KHDRBS3: variants seen among roughly 807,000 people sequenced by gnomAD.
KHDRBS3 encodes the protein KH domain-containing, RNA-binding, signal transduction-associated protein 3.
Under a neutral mutation model 45.6 loss-of-function variants are expected in KHDRBS3, and 23 were observed. The observed-to-expected ratio is 0.50, with a 90% CI of 0.36 to 0.72. The LOEUF is 0.72. Ranked by LOEUF, KHDRBS3 falls within the 30% of genes least tolerant of loss-of-function variation. The pLI is 0.00. For synonymous variants in KHDRBS3, 162 were observed against 156.5 expected, an observed-to-expected ratio of 1.04 and a Z score of -0.26; for missense variants, 352 against 424.8, an observed-to-expected ratio of 0.83 and a Z score of 1.51.
At chr8:135,566,691 CA>C (rs569527746) in intron 5 of KHDRBS3, among the ~76,000 whole-genome samples, 30 of 146,390 alleles carry the variant, frequency 2.0e-4, no homozygotes, top group Non-Finnish European at 3.3e-4. Flanking sequence ...TTTATCTTTA[CA>C]AAAAAAAAAG....
intron 7 of KHDRBS3, among the ~76,000 whole-genome samples, chr8:135,644,319 C>T (rs768034097): frequency 3.5e-4 from 53 of 152,258 alleles, no homozygotes; most frequent in African/African-American, 1.2e-3. Context: ...TACATTGGAA[C>T]GTGGATTTGC....
intron 6 of KHDRBS3, among the ~76,000 whole-genome samples, chr8:135,595,582 T>C (rs928716572): frequency 6.6e-6 from 1 of 152,204 alleles, no homozygotes; most frequent in Non-Finnish European, 1.5e-5. Context: ...AAAACTCTGA[T>C]AGCTTGTTCT....
chr8:135,622,095 C>T (rs574476980), intron 7 of KHDRBS3, among the ~76,000 whole-genome samples: 23 of 152,184 alleles, frequency 1.5e-4, no homozygotes, highest in East Asian at 3.9e-4. Flanking sequence ...CTCATAATAC[C>T]CAGCAGTTTT....
chr8:135,569,267 C>T (rs890291603), intron 5 of KHDRBS3, among the ~76,000 whole-genome samples: 10 of 152,226 alleles, frequency 6.6e-5, no homozygotes, highest in East Asian at 3.9e-4. Context: ...GTAATTCTGA[C>T]GTGCACTGAA....
At chr8:135,467,864 A>G (rs771552587) in intron 1 of KHDRBS3, among the ~76,000 whole-genome samples, 6 of 152,226 alleles carry the variant, frequency 3.9e-5, no homozygotes, top group Non-Finnish European at 2.9e-5. Context: ...CCTGCTCCTC[A>G]TTAAACTCTC....
chr8:135,507,899 A>G (rs769145119), intron 1 of KHDRBS3, among the ~76,000 whole-genome samples: 6 of 152,154 alleles, frequency 3.9e-5, no homozygotes, highest in African/African-American at 7.2e-5. Flanking sequence ...AAGTGACAGG[A>G]TGTATATTTC....
At chr8:135,624,124 G>A (rs540278337) in intron 7 of KHDRBS3, among the ~76,000 whole-genome samples, 9 of 152,294 alleles carry the variant, frequency 5.9e-5, no homozygotes, top group Admixed American at 2.0e-4. Flanking sequence ...AGCAGATACC[G>A]AAAATACCCC....
intron 1 of KHDRBS3, among the ~76,000 whole-genome samples, chr8:135,509,071 A>G (rs766054176): frequency 6.6e-6 from 1 of 152,206 alleles, no homozygotes; most frequent in Non-Finnish European, 1.5e-5. Flanking sequence ...GCATAATAGC[A>G]TGATATAATT....
At chr8:135,558,470 C>A (rs1374157039) in intron 5 of KHDRBS3, among the ~76,000 whole-genome samples, 1 of 152,062 alleles carries the variant, frequency 6.6e-6, no homozygotes, top group African/African-American at 2.4e-5. Context: ...TTGTATATCT[C>A]TAAGTTTATT....
intron 1 of KHDRBS3, among the ~76,000 whole-genome samples, chr8:135,494,764 C>G (rs892061383): frequency 6.6e-6 from 1 of 152,170 alleles, no homozygotes; most frequent in Non-Finnish European, 1.5e-5. Context: ...ATAGTGGGTT[C>G]AAGAGAATGT....
intron 5 of KHDRBS3, among the ~76,000 whole-genome samples, chr8:135,569,231 G>T (rs1210310436): frequency 6.6e-6 from 1 of 152,074 alleles, no homozygotes; most frequent in South Asian, 2.1e-4. Flanking sequence ...ATATAATGCA[G>T]TACTTAAGAA....
At chr8:135,496,183 G>C (rs1300615568) in intron 1 of KHDRBS3, among the ~76,000 whole-genome samples, 1 of 95,272 alleles carries the variant, frequency 1.0e-5, no homozygotes, top group African/African-American at 3.1e-5. Flanking sequence ...AGAGGGAAAG[G>C]TCATGCAAAA....
At chr8:135,464,083 T>C (rs151246301) in intron 1 of KHDRBS3, among the ~76,000 whole-genome samples, 2 of 152,304 alleles carry the variant, frequency 1.3e-5, no homozygotes, top group East Asian at 1.9e-4. Flanking sequence ...AGCTTATAAG[T>C]AGTCAGGCTG....
intron 1 of KHDRBS3, among the ~76,000 whole-genome samples, chr8:135,479,340 G>T (rs1313283018): frequency 6.6e-6 from 1 of 152,152 alleles, no homozygotes; most frequent in African/African-American, 2.4e-5. Context: ...TGAGATCCAG[G>T]TGGCGTCACT....
intron 1 of KHDRBS3, among the ~76,000 whole-genome samples, chr8:135,500,533 T>C (rs1035112367): frequency 6.6e-6 from 1 of 152,136 alleles, no homozygotes; most frequent in East Asian, 1.9e-4. Context: ...GGAAGGCAGT[T>C]AGCTCTTAAC....
intron 2 of KHDRBS3, among the ~76,000 whole-genome samples, chr8:135,527,107 C>G (rs543169727): frequency 1.3e-5 from 2 of 152,244 alleles, no homozygotes; most frequent in South Asian, 4.1e-4. Context: ...GTTCATCCGT[C>G]AGTGGATCCG....
chr8:135,632,704 C>T (rs193277359), intron 7 of KHDRBS3, among the ~76,000 whole-genome samples: 17 of 152,084 alleles, frequency 1.1e-4, no homozygotes, highest in Non-Finnish European at 2.4e-4. Flanking sequence ...TTCACTCAAC[C>T]GGGATTTTAA....
At chr8:135,601,969 G>A (rs1829235511) in intron 6 of KHDRBS3, among the ~76,000 whole-genome samples, 1 of 152,150 alleles carries the variant, frequency 6.6e-6, no homozygotes, top group African/African-American at 2.4e-5. Flanking sequence ...GGAAAAAAGG[G>A]AGGCCTGCTA....
At chr8:135,547,010 CTA>C (rs1826339258) in intron 3 of KHDRBS3, among the ~76,000 whole-genome samples, 3 of 152,170 alleles carry the variant, frequency 2.0e-5, no homozygotes. Flanking sequence ...TTTTGATACT[CTA>C]TTAGAAAAGG....
Sources: gnomAD v4.1 joint callset for allele counts (sites outside exome capture counted in the v4.1 genomes callset) on GRCh38, gnomAD v4.1.1 for gene constraint, MANE v1.5 for transcripts, NCBI Gene and HGNC (gene_info 2026-07-23, HGNC 2026-07-21) for gene names.